The following RASSF6 variants were observed in gnomAD, a reference collection of about 807,000 sequenced individuals.
RASSF6 encodes the protein Ras association domain family member 6.
In RASSF6, 52 loss-of-function variants were observed where a neutral mutation model predicts 44.0. That is an observed-to-expected ratio of 1.18 (90% CI 0.95 to 1.49). The LOEUF (loss-of-function observed/expected upper bound fraction) is 1.49. Among genes scored for constraint, RASSF6 ranks in the 40% most tolerant of loss-of-function variants. The pLI, the probability that RASSF6 is intolerant of heterozygous loss-of-function variation, is 0.00. For synonymous variants in RASSF6, 162 were observed against 124.6 expected (o/e 1.30, Z -2.00); for missense variants, 464 against 393.3 (o/e 1.18, Z -1.52).
chr4:73,585,078 G>A (rs1181295756), intron 6 of RASSF6, 102 bp downstream of exon 6: 1 of 775,558 alleles, frequency 1.3e-6, no homozygotes, highest in Non-Finnish European at 2.0e-6. Flanking sequence ...ACATGCTACT[G>A]TTATTATTAT....
chr4:73,599,369 C>A (rs1247654), intron 2 of RASSF6, among the ~76,000 whole-genome samples: 149,747 of 152,322 alleles, frequency 0.98, 73,657 homozygotes, highest in Middle Eastern at 1. Flanking sequence ...TGACAATGGC[C>A]GACTTTGGCC....
Position 73,611,647 on chromosome 4 carries a change from T to C in RASSF6, c.65+84A>G, listed in dbSNP as rs1726017827. The C allele has an allele frequency of 5.1e-6, 4 of 778,564 alleles. No individual in the cohort carries two copies. In the Admixed American group the frequency reaches 7.8e-5, roughly 15 times the overall value. The allele number at this position is 778,564 out of a possible 1,614,324, so 48.2% of individuals were successfully genotyped here. On this transcript the variant is annotated intron_variant, in intron 2 of 10. Coordinates refer to ENST00000307439, the MANE Select transcript of RASSF6 (RefSeq NM_177532.5). ...TTCATATTATTGATCTTGTTGACCATACATCATGCTTAGAAAACTTTGACG... is the reference window on the plus strand; with the variant it reads ...TTCATATTATTGATCTTGTTGACCACACATCATGCTTAGAAAACTTTGACG...
chr4:73,579,863 A>T (rs1204938548), intron 8 of RASSF6, among the ~76,000 whole-genome samples: 1 of 151,506 alleles, frequency 6.6e-6, no homozygotes, highest in Non-Finnish European at 1.5e-5. Context: ...TCTTTATTTT[A>T]TTTTATTTTA....
intron 2 of RASSF6, among the ~76,000 whole-genome samples, chr4:73,605,369 T>C (rs1337650176): frequency 6.6e-6 from 1 of 152,244 alleles, no homozygotes; most frequent in East Asian, 1.9e-4. Flanking sequence ...CATTCCATAT[T>C]AATGATGTCT....
rs555064732 is a variant in RASSF6, at chr4:73,574,521, C to T, written c.*1714G>A. The T allele has an allele frequency of 6.6e-6, 1 of 152,396 alleles. No individual in the cohort carries two copies. The highest frequency in any genetic ancestry group is 1.5e-5 in the Non-Finnish European group (1 of 68,096). 9.4% of individuals were successfully genotyped at this position (152,396 alleles called of 1,614,324 possible). The stretch of plus-strand genomic sequence containing the variant: ...TCCAGTGAATTCTGAAACCCTCATT[C>T]CTGCCTTTCCTTGTTAGGATTCTTT... On this transcript the variant is annotated 3_prime_UTR_variant, in exon 11 of 11. Transcript: ENST00000307439.
At chr4:73,580,328 A>G (rs13130156) in intron 8 of RASSF6, among the ~76,000 whole-genome samples, 1 of 145,436 alleles carries the variant, frequency 6.9e-6, no homozygotes, top group South Asian at 2.2e-4. Context: ...TGCCGCAATA[A>G]ACATACGTGT....
intron 8 of RASSF6, among the ~76,000 whole-genome samples, chr4:73,580,116 T>C (rs1397040446): frequency 6.7e-6 from 1 of 148,874 alleles, no homozygotes; most frequent in East Asian, 2.0e-4. Flanking sequence ...AGTGAGAATA[T>C]GCGGTGTTTG....
At chr4:73,612,037 T>C (rs1001910236) in intron 1 of RASSF6, among the ~76,000 whole-genome samples, 1 of 152,204 alleles carries the variant, frequency 6.6e-6, no homozygotes, top group South Asian at 2.1e-4. Context: ...CACGGATGGA[T>C]TGAACAATTT....
intron 8 of RASSF6, among the ~76,000 whole-genome samples, chr4:73,578,478 AG>A (rs1723390111): frequency 6.6e-6 from 1 of 152,192 alleles, no homozygotes; most frequent in Non-Finnish European, 1.5e-5. Flanking sequence ...AAACGAGAAA[AG>A]TATAAAGCAG....
In RASSF6 at chr4:73,573,599, A is replaced by G. The variant is rs1723033783; in HGVS notation, c.*2636T>C. The G allele has an allele frequency of 6.6e-6, 1 of 152,240 alleles. No individual in the cohort carries two copies. The highest frequency in any genetic ancestry group is 6.5e-5 in the Admixed American group (1 of 15,286). 9.4% of individuals were successfully genotyped at this position (152,240 alleles called of 1,614,324 possible). On this transcript the variant is annotated 3_prime_UTR_variant, in exon 11 of 11. Transcript: ENST00000307439. The stretch of plus-strand genomic sequence containing the variant: ...AGAATTATAGGATAAACAGACTACT[A>G]AATTGCCTTCAAGAAAAATTATATC...
chr4:73,605,830 G>T (rs1725583580), intron 2 of RASSF6, among the ~76,000 whole-genome samples: 1 of 152,074 alleles, frequency 6.6e-6, no homozygotes, highest in African/African-American at 2.4e-5. Flanking sequence ...GGTGTGAGAT[G>T]GTGTCTCACT....
intron 3 of RASSF6, among the ~76,000 whole-genome samples, chr4:73,596,213 T>G (rs1298166283): frequency 6.6e-6 from 1 of 152,224 alleles, no homozygotes; most frequent in Non-Finnish European, 1.5e-5. Context: ...TGTTTGCAGA[T>G]GACATAATCT....
upstream of RASSF6, chr4:73,620,446 G>T: frequency 6.5e-7 from 1 of 1,547,440 alleles, no homozygotes; most frequent in Non-Finnish European, 8.7e-7. Flanking sequence ...CACCTGTAGG[G>T]GAGGTCCGAG....
rs1015129259 is a variant in RASSF6 at position 73,575,318 on chromosome 4, G to T, written c.*917C>A. On this transcript the variant is annotated 3_prime_UTR_variant, in exon 11 of 11. Transcript: ENST00000307439. ...TTTTTAGTGTTTTTTTTTCAAGTGG[G>T]TTAAACAGATCTGTGAGTACCTTGA... 14 of 151,582 alleles carry T rather than the reference G, an allele frequency of 9.2e-5. No individual in the cohort carries two copies. Among genetic ancestry groups the T allele is most frequent in the African/African-American group, 3.4e-4 (14 of 41,294 alleles). 9.4% of individuals were successfully genotyped at this position (151,582 alleles called of 1,614,324 possible). A position where few individuals can be genotyped will look rare whatever the true frequency, so the allele number is the denominator to read the frequency against.
chr4:73,606,071 C>A (rs1292576662), intron 2 of RASSF6, among the ~76,000 whole-genome samples: 1 of 152,136 alleles, frequency 6.6e-6, no homozygotes, highest in African/African-American at 2.4e-5. Context: ...TGGATATAGA[C>A]CCAAAGGAAA....
intron 4 of RASSF6, among the ~76,000 whole-genome samples, chr4:73,588,873 A>G (rs889627520): frequency 6.6e-6 from 1 of 151,888 alleles, no homozygotes; most frequent in African/African-American, 2.4e-5. Flanking sequence ...TAGGGACCCA[A>G]GGTGTTCCTG....
chr4:73,595,451 G>A (rs528244702), intron 3 of RASSF6, among the ~76,000 whole-genome samples: 53 of 152,064 alleles, frequency 3.5e-4, no homozygotes, highest in African/African-American at 1.2e-3. Flanking sequence ...CACCTGCCTC[G>A]GCCTCCCAAA....
intron 2 of RASSF6, among the ~76,000 whole-genome samples, chr4:73,607,298 G>A (rs1180723590): frequency 6.6e-6 from 1 of 152,042 alleles, no homozygotes; most frequent in Non-Finnish European, 1.5e-5. Flanking sequence ...TTCCTCTTCA[G>A]CCTCCTTTCA....
At chr4:73,589,909 C>T (rs7681278) in intron 4 of RASSF6, among the ~76,000 whole-genome samples, 4,425 of 152,176 alleles carry the variant, frequency 0.029, 87 homozygotes, top group South Asian at 0.06. Context: ...CCTACCCATA[C>T]TGTAAGTAAA....
Sources: gnomAD v4.1 joint callset for allele counts (sites outside exome capture counted in the v4.1 genomes callset) on GRCh38, gnomAD v4.1.1 for gene constraint, MANE v1.5 for transcripts, NCBI Gene and HGNC (gene_info 2026-07-23, HGNC 2026-07-21) for gene names.